CDH13: variants seen among roughly 807,000 people sequenced by gnomAD.
The protein encoded by CDH13 is cadherin 13.
CDH13 carries 24 observed loss-of-function variants against 63.8 expected under a neutral mutation model. The ratio of observed to expected loss-of-function variants is 0.38; its 90% CI spans 0.27 to 0.53. The LOEUF is 0.53. CDH13 is among the 20% of genes least tolerant of loss of function. CDH13 has a pLI of 0.85. For synonymous variants in CDH13, 503 were observed against 355.3 expected, an observed-to-expected ratio of 1.42 and a Z score of -4.67; for missense variants, 1,049 against 903.1, an observed-to-expected ratio of 1.16 and a Z score of -2.07.
rs72807837 is a variant in CDH13, at chr16:82,847,046, C to T, written c.46-11316C>T. On this transcript the variant is annotated intron_variant, in intron 1 of 13. Coordinates refer to ENST00000567109, the MANE Select transcript of CDH13 (RefSeq NM_001257.5). ...GACCTTCCCTTATTCTCCCTTCCTTCCCCACCTCGCCTTCAAATTCCCTCT... is the reference window on the plus strand; with the variant it reads ...GACCTTCCCTTATTCTCCCTTCCTTTCCCACCTCGCCTTCAAATTCCCTCT... Among the ~76,000 whole-genome samples the T allele has an allele frequency of 3.2e-3, 491 of 152,298 alleles. 1 individual carries two copies. The highest frequency in any genetic ancestry group is 5.0e-3 in the Non-Finnish European group (342 of 68,016).
intron 1 of CDH13, among the ~76,000 whole-genome samples, chr16:82,744,214 C>G (rs2034059674): frequency 6.6e-6 from 1 of 152,164 alleles, no homozygotes; most frequent in South Asian, 2.1e-4. Flanking sequence ...AAGCAAATAC[C>G]TGGTTGGAAT....
intron 1 of CDH13, among the ~76,000 whole-genome samples, chr16:82,781,810 C>T (rs1379279250): frequency 6.6e-6 from 1 of 152,224 alleles, no homozygotes; most frequent in Non-Finnish European, 1.5e-5. Context: ...AGTCGCAGTT[C>T]TGTCCTTAAA....
At chr16:83,726,058 C>T (rs184806868) in intron 10 of CDH13, 2 of 152,224 alleles carry the variant, frequency 1.3e-5, no homozygotes, top group Non-Finnish European at 2.9e-5. Flanking sequence ...TCACTTTCTG[C>T]ACTTACACAA....
intron 2 of CDH13, among the ~76,000 whole-genome samples, chr16:82,933,354 C>A (rs1369241680): frequency 6.6e-6 from 1 of 152,098 alleles, no homozygotes; most frequent in Non-Finnish European, 1.5e-5. Context: ...TGGGAGAACT[C>A]ATTCACTATC....
rs116241846 is a variant in CDH13, at chr16:83,607,004, T to C, written c.1101+4410T>C. Among the ~76,000 whole-genome samples the C allele has an allele frequency of 3.2e-3, 492 of 152,016 alleles. 4 individuals carry two copies. The highest frequency in any genetic ancestry group is 0.011 in the African/African-American group (475 of 41,492). On this transcript the variant is annotated intron_variant, in intron 8 of 13. Coordinates refer to ENST00000567109, the MANE Select transcript of CDH13 (RefSeq NM_001257.5). ...TCTGCTTGCATCTCTGTAGCCTCCC[T>C]TACCTGTAAGGGAGGCTGAGAAATA...
chr16:82,634,386 A>G (rs531431620), intron 1 of CDH13, among the ~76,000 whole-genome samples: 57 of 152,270 alleles, frequency 3.7e-4, no homozygotes, highest in African/African-American at 1.3e-3. Context: ...CTCCCTGTGG[A>G]CTGATTGCTG....
rs535396313 is a variant in CDH13 at position 83,029,939 on chromosome 16, C to G, written c.158-2071C>G. Among the ~76,000 whole-genome samples, 6 of 152,298 alleles carry G rather than the reference C, an allele frequency of 3.9e-5. No individual in the cohort carries two copies. The South Asian group carries it at 1.2e-3, about 32-fold the overall frequency. On this transcript the variant is annotated intron_variant, in intron 2 of 13. Coordinates refer to ENST00000567109, the MANE Select transcript of CDH13 (RefSeq NM_001257.5). ...CACGTAGTACAATTCTATGCTTACC[C>G]ACAAGGGGCCTCAAAGTTTACAGGA...
intron 4 of CDH13, among the ~76,000 whole-genome samples, chr16:83,171,762 G>A (rs893353229): frequency 3.3e-5 from 5 of 152,062 alleles, no homozygotes; most frequent in African/African-American, 1.2e-4. Flanking sequence ...ATGTTTTCAG[G>A]TAGTATTGTA....
chr16:83,076,185 C>T (rs1292490584), intron 3 of CDH13, among the ~76,000 whole-genome samples: 2 of 152,128 alleles, frequency 1.3e-5, no homozygotes, highest in Non-Finnish European at 2.9e-5. Flanking sequence ...CATGACCAGG[C>T]TTTTTTACTC....
intron 6 of CDH13, among the ~76,000 whole-genome samples, chr16:83,482,141 TC>T (rs2073783902): frequency 6.6e-6 from 1 of 152,182 alleles, no homozygotes; most frequent in African/African-American, 2.4e-5. Flanking sequence ...TGTTCATTCT[TC>T]TTGGAAGACA....
chr16:83,504,243 C>G (rs1275531832), intron 7 of CDH13, among the ~76,000 whole-genome samples: 3 of 152,154 alleles, frequency 2.0e-5, no homozygotes, highest in Admixed American at 2.0e-4. Flanking sequence ...CTTGGTGAAG[C>G]ACAGGGCACT....
At chr16:82,997,022 G>C in intron 2 of CDH13, among the ~76,000 whole-genome samples, 1 of 149,666 alleles carries the variant, frequency 6.7e-6, no homozygotes, top group Non-Finnish European at 1.5e-5. Flanking sequence ...TGATGGTGAT[G>C]ATGGTGATGG....
At chr16:83,520,759 GC>G (rs1248195834) in intron 7 of CDH13, among the ~76,000 whole-genome samples, 1 of 152,150 alleles carries the variant, frequency 6.6e-6, no homozygotes, top group Non-Finnish European at 1.5e-5. Context: ...ACAGGACGTG[GC>G]TAGCTTTTCA....
In CDH13 at chr16:82,903,135, C is replaced by T. The variant is rs151125129; in HGVS notation, c.157+44662C>T. On this transcript the variant is annotated intron_variant, in intron 2 of 13. Coordinates refer to ENST00000567109, the MANE Select transcript of CDH13 (RefSeq NM_001257.5). ...GCACATGAGCAGTAAGTGGTGAAAC[C>T]ACCTCAGGCCTCTGCCTGTTGACTT... Among the ~76,000 whole-genome samples the T allele has an allele frequency of 3.9e-3, 589 of 152,322 alleles. 3 individuals carry two copies. Among genetic ancestry groups the T allele is most frequent in the African/African-American group, 0.013 (554 of 41,570 alleles).
chr16:83,548,704 T>A (rs2075434205), intron 7 of CDH13, among the ~76,000 whole-genome samples: 1 of 152,074 alleles, frequency 6.6e-6, no homozygotes, highest in Non-Finnish European at 1.5e-5. Flanking sequence ...TCCTAAATTT[T>A]CACCATCCCC....
At chr16:83,041,707 A>G (rs554758821) in intron 3 of CDH13, among the ~76,000 whole-genome samples, 72 of 152,304 alleles carry the variant, frequency 4.7e-4, no homozygotes, top group African/African-American at 1.7e-3. Context: ...GGTACCTGAA[A>G]TGACCAAAAA....
intron 2 of CDH13, among the ~76,000 whole-genome samples, chr16:82,938,232 G>A (rs578156271): frequency 6.6e-6 from 1 of 152,162 alleles, no homozygotes; most frequent in African/African-American, 2.4e-5. Context: ...AACAGCCTTT[G>A]CCTGGTTACA....
At chr16:82,636,823 T>C (rs1372531519) in intron 1 of CDH13, among the ~76,000 whole-genome samples, 1 of 152,210 alleles carries the variant, frequency 6.6e-6, no homozygotes, top group East Asian at 1.9e-4. Context: ...ATGTAAATAC[T>C]CCCGTCATGG....
chr16:82,805,424 G>T (rs2037092334), intron 1 of CDH13, among the ~76,000 whole-genome samples: 1 of 152,130 alleles, frequency 6.6e-6, no homozygotes, highest in Non-Finnish European at 1.5e-5. Flanking sequence ...GGCATGGCTG[G>T]TTCAAGCTTT....
Sources: allele counts gnomAD v4.1 joint callset (sites outside exome capture counted in the v4.1 genomes callset), GRCh38; gene constraint gnomAD v4.1.1; transcripts MANE v1.5; gene names NCBI Gene and HGNC (gene_info 2026-07-23, HGNC 2026-07-21).